Variants in ZNF704 observed in about 807,000 individuals in gnomAD.
The protein encoded by ZNF704 is zinc finger protein 704, also known as glucocorticoid induced gene 1.
In ZNF704, 10 loss-of-function variants were observed where a neutral mutation model predicts 44.7. The observed-to-expected ratio is 0.22, with a 90% CI of 0.14 to 0.38. ZNF704 has a LOEUF of 0.38. ZNF704 is among the 10% of genes least tolerant of loss of function. ZNF704 has a pLI of 1.00. For missense variants in ZNF704, 390 were observed against 545.5 expected (o/e 0.71, Z 2.84); for synonymous variants, 211 against 207.6 (o/e 1.02, Z -0.14).
intron 2 of ZNF704, among the ~76,000 whole-genome samples, chr8:80,786,401 A>G (rs550825703): frequency 6.6e-6 from 1 of 152,322 alleles, no homozygotes; most frequent in Admixed American, 6.5e-5. Flanking sequence ...TTTTTACTTG[A>G]ACAATTTTCT....
chr8:80,665,075 C>T lies in ZNF704; in HGVS notation c.667G>A (p.Gly223Arg). 1 of 1,614,008 alleles carries T rather than the reference C, an allele frequency of 6.2e-7. No individual in the cohort carries two copies. The highest frequency in any genetic ancestry group is 8.5e-7 in the Non-Finnish European group (1 of 1,179,864). ...TCTCCATCACTGTAGTCAGAGTCTC[C>T]AACGCGCCTAATGCAAAAGAGAGTA... is the stretch of plus-strand genomic sequence containing the variant. The part of the protein sequence containing the change: ...HIRTIHLGRV[G>R]DSDYSDGEED... The change falls in exon 6 of 9, where the codon GGA becomes AGA. Residue 223 changes from glycine (G) to arginine (R), a missense_variant. Around this residue, in one of 3 missense-constraint regions of ZNF704, gnomAD observed 305 missense variants for 435.7 expected, o/e 0.70. Coordinates refer to ENST00000327835, the MANE Select transcript of ZNF704 (RefSeq NM_001033723.3).
chr8:80,785,438 T>C (rs1400396175), intron 2 of ZNF704, among the ~76,000 whole-genome samples: 2 of 152,260 alleles, frequency 1.3e-5, no homozygotes, highest in Non-Finnish European at 2.9e-5. Context: ...TGAAGGGTTA[T>C]GTTCTACTTC....
intron 1 of ZNF704, among the ~76,000 whole-genome samples, chr8:80,844,521 T>C (rs545366845): frequency 6.6e-6 from 1 of 152,100 alleles, no homozygotes; most frequent in Non-Finnish European, 1.5e-5. Context: ...TTTCAACATA[T>C]GAATTCTTGA....
rs776078060 is a variant in ZNF704, at chr8:80,630,273, A to T, written c.*11093T>A. 1 of 152,258 alleles carries T rather than the reference A, an allele frequency of 6.6e-6. No homozygotes were observed. The highest frequency in any genetic ancestry group is 1.5e-5 in the Non-Finnish European group (1 of 68,044). The allele number at this position is 152,258 out of a possible 1,614,324, so 9.4% of individuals were successfully genotyped here. On this transcript the variant is annotated 3_prime_UTR_variant, in exon 9 of 9. Transcript: ENST00000327835. ...GAATGGTGGTAAAATTATATTTCAA[A>T]AGATCTCTAAACATTGGACAGCATT...
At chr8:80,773,560 C>T (rs1807361040) in intron 2 of ZNF704, among the ~76,000 whole-genome samples, 1 of 152,138 alleles carries the variant, frequency 6.6e-6, no homozygotes, top group African/African-American at 2.4e-5. Context: ...ATGCTCTTTC[C>T]TCTTTTCTGA....
At chr8:80,745,623 T>C (rs993903046) in intron 2 of ZNF704, among the ~76,000 whole-genome samples, 3 of 152,200 alleles carry the variant, frequency 2.0e-5, no homozygotes, top group Admixed American at 6.5e-5. Context: ...ACAATCAACT[T>C]TGCTAGAAAA....
At chr8:80,802,867 G>T (rs774005198) in intron 2 of ZNF704, among the ~76,000 whole-genome samples, 2 of 152,116 alleles carry the variant, frequency 1.3e-5, no homozygotes, top group Admixed American at 6.6e-5. Flanking sequence ...TGAAATAAAG[G>T]TATTCAAATA....
intron 2 of ZNF704, among the ~76,000 whole-genome samples, chr8:80,796,987 G>A (rs1807816060): frequency 3.3e-5 from 5 of 150,646 alleles, no homozygotes; most frequent in Admixed American, 2.6e-4. Context: ...GAGGGAGGGA[G>A]GGAGGAAGGA....
intron 3 of ZNF704, among the ~76,000 whole-genome samples, chr8:80,690,511 C>A (rs1396027135): frequency 6.6e-6 from 1 of 152,098 alleles, no homozygotes; most frequent in Non-Finnish European, 1.5e-5. Flanking sequence ...CTCAATGCAA[C>A]CCCAAAATCC....
At chr8:80,766,300 A>G (rs1323443258) in intron 2 of ZNF704, among the ~76,000 whole-genome samples, 1 of 152,122 alleles carries the variant, frequency 6.6e-6, no homozygotes, top group Non-Finnish European at 1.5e-5. Context: ...GCAAGGGTCA[A>G]ACATGAACTC....
At chr8:80,730,583 A>C (rs1040153253) in intron 2 of ZNF704, among the ~76,000 whole-genome samples, 1 of 149,374 alleles carries the variant, frequency 6.7e-6, no homozygotes, top group Admixed American at 6.7e-5. Flanking sequence ...TGCATTAGTT[A>C]ATTGTGGTCA....
chr8:80,708,273 T>A (rs1034628445), intron 2 of ZNF704, among the ~76,000 whole-genome samples: 2 of 152,100 alleles, frequency 1.3e-5, no homozygotes, highest in African/African-American at 4.8e-5. Context: ...GAACATGACT[T>A]CCCCAAACGA....
intron 7 of ZNF704, among the ~76,000 whole-genome samples, chr8:80,654,827 C>G (rs1228736816): frequency 6.6e-6 from 1 of 152,162 alleles, no homozygotes; most frequent in Non-Finnish European, 1.5e-5. Flanking sequence ...TTGACCCAGC[C>G]ATCCCATTAC....
At chr8:80,745,539 C>T (rs2131698437) in intron 2 of ZNF704, among the ~76,000 whole-genome samples, 1 of 152,214 alleles carries the variant, frequency 6.6e-6, no homozygotes, top group South Asian at 2.1e-4. Flanking sequence ...ATAGACTTGC[C>T]ACCTACCTCA....
chr8:80,813,795 C>T (rs1038280298), intron 2 of ZNF704, among the ~76,000 whole-genome samples: 3 of 152,028 alleles, frequency 2.0e-5, no homozygotes, highest in Admixed American at 6.6e-5. Context: ...AGAAGAATGG[C>T]GTGAACCCAG....
At chr8:80,794,881 G>A (rs1807771738) in intron 2 of ZNF704, among the ~76,000 whole-genome samples, 1 of 152,202 alleles carries the variant, frequency 6.6e-6, no homozygotes, top group Non-Finnish European at 1.5e-5. Flanking sequence ...TTTCTATGAT[G>A]CCATGAGTAG....
Position 80,633,723 on chromosome 8 carries a change from G to A in ZNF704, c.*7643C>T, listed in dbSNP as rs1817622630. 6.6e-6 allele frequency: 1 copy of A among 152,200 alleles called. No homozygotes were observed. The highest frequency in any genetic ancestry group is 2.1e-4 in the South Asian group (1 of 4,830). The allele number at this position is 152,200 out of a possible 1,614,324, so 9.4% of individuals were successfully genotyped here. A position where few individuals can be genotyped will look rare whatever the true frequency, so the allele number is the denominator to read the frequency against. On this transcript the variant is annotated 3_prime_UTR_variant, in exon 9 of 9. Transcript: ENST00000327835. ...CACTGGGTTCTTACAAAGATCAAATGAAATAGTGTGTGAACGAGACGTATC... is the reference window on the plus strand; with the variant it reads ...CACTGGGTTCTTACAAAGATCAAATAAAATAGTGTGTGAACGAGACGTATC...
chr8:80,851,506 T>C (rs1009097444), intron 1 of ZNF704, among the ~76,000 whole-genome samples: 1 of 138,894 alleles, frequency 7.2e-6, no homozygotes, highest in African/African-American at 2.7e-5. Context: ...TTCTCACTCA[T>C]AGGTGGGAAT....
intron 6 of ZNF704, among the ~76,000 whole-genome samples, chr8:80,662,514 A>C (rs931739089): frequency 2.0e-5 from 3 of 152,214 alleles, no homozygotes; most frequent in Non-Finnish European, 4.4e-5. Context: ...ATTCGTTTTG[A>C]CCAACATAAT....
Sources: allele counts gnomAD v4.1 joint callset (sites outside exome capture counted in the v4.1 genomes callset), GRCh38; gene constraint gnomAD v4.1.1; regional missense constraint gnomAD v4.1.1; transcripts MANE v1.5; gene names NCBI Gene and HGNC (gene_info 2026-07-23, HGNC 2026-07-21).